Variants in RCSD1 observed in about 807,000 individuals in gnomAD.
RCSD1 encodes capZ-interacting protein.
RCSD1 carries 26 observed loss-of-function variants against 42.5 expected under a neutral mutation model. That is an observed-to-expected ratio of 0.61 (90% CI 0.45 to 0.85). The LOEUF is 0.85. RCSD1 is among the 40% of genes least tolerant of loss of function. The pLI, the probability that RCSD1 is intolerant of heterozygous loss-of-function variation, is 0.00. For synonymous variants in RCSD1, 220 were observed against 212.2 expected (o/e 1.04, Z -0.32); for missense variants, 571 against 528.3 (o/e 1.08, Z -0.79).
At chr1:167,684,066 G>A (rs1397667867) in intron 2 of RCSD1, 65 bp downstream of exon 2, 10 of 1,346,408 alleles carry the variant, frequency 7.4e-6, no homozygotes, top group Non-Finnish European at 9.5e-6. Context: ...AATCTGGTCA[G>A]GCCCAGCGGA....
intron 1 of RCSD1, among the ~76,000 whole-genome samples, chr1:167,660,174 C>T (rs1658508840): frequency 6.6e-6 from 1 of 152,166 alleles, no homozygotes. Context: ...TTGTTTGACG[C>T]CTATGATGTT....
Position 167,704,800 on chromosome 1 carries a change from A to G in RCSD1, c.*104A>G. 5 of 1,145,268 alleles carry G rather than the reference A, an allele frequency of 4.4e-6. No homozygotes were observed. The highest frequency in any genetic ancestry group is 2.4e-5 in the East Asian group (1 of 41,192). 70.9% of individuals were successfully genotyped at this position (1,145,268 alleles called of 1,614,324 possible). ...CAGACGAAGCCATTGCAGAGGCAGA[A>G]TATGCTGAGTGTCTGGAGTCAGCCT... On this transcript the variant is annotated 3_prime_UTR_variant, in exon 7 of 7. Transcript: ENST00000367854.
At chr1:167,696,258 T>G (rs373583358) in intron 5 of RCSD1, among the ~76,000 whole-genome samples, 15 of 151,994 alleles carry the variant, frequency 9.9e-5, no homozygotes, top group African/African-American at 3.6e-4. Flanking sequence ...TTTCAAAATT[T>G]TACAGTGCAA....
At chr1:167,661,029 TGA>T (rs1288994257) in intron 1 of RCSD1, among the ~76,000 whole-genome samples, 1 of 152,214 alleles carries the variant, frequency 6.6e-6, no homozygotes, top group Admixed American at 6.5e-5. Flanking sequence ...TGCTTGATCT[TGA>T]CTATCAAGCA....
At chr1:167,701,298 TTC>T (rs1659635381) in intron 6 of RCSD1, among the ~76,000 whole-genome samples, 1 of 149,262 alleles carries the variant, frequency 6.7e-6, no homozygotes, top group African/African-American at 2.5e-5. Context: ...CTTTCTTTCT[TTC>T]TTTCTTTCTT....
chr1:167,673,161 T>C (rs755643091), intron 1 of RCSD1, among the ~76,000 whole-genome samples: 22 of 152,088 alleles, frequency 1.4e-4, no homozygotes, highest in Non-Finnish European at 2.8e-4. Flanking sequence ...AAGATAGCAA[T>C]AAGCATAATT....
Position 167,630,275 on chromosome 1 carries a change from G to A in RCSD1, c.-149G>A. ...GCGGCCGGGGCAGTCCCGCAGCCGA[G>A]CGCAGCCGGGCGCGCGCCACCGCCC... On this transcript the variant is annotated 5_prime_UTR_variant, in exon 1 of 7. Transcript: ENST00000367854. 1.5e-6 allele frequency: 1 copy of A among 656,184 alleles called. No homozygotes were observed. Among genetic ancestry groups the A allele is most frequent in the Non-Finnish European group, 2.0e-6 (1 of 508,902 alleles). The allele number at this position is 656,184 out of a possible 1,614,324, so 40.6% of individuals were successfully genotyped here. A position where few individuals can be genotyped will look rare whatever the true frequency, so the allele number is the denominator to read the frequency against.
intron 1 of RCSD1, among the ~76,000 whole-genome samples, chr1:167,638,821 G>A (rs1009337977): frequency 6.6e-6 from 1 of 152,214 alleles, no homozygotes; most frequent in Admixed American, 6.5e-5. Flanking sequence ...AAGAACCATA[G>A]CAATTTCTTC....
chr1:167,689,999 C>G, intron 3 of RCSD1, 50 bp from the exon 4 acceptor site: 1 of 1,585,156 alleles, frequency 6.3e-7, no homozygotes, highest in Non-Finnish European at 8.7e-7. Flanking sequence ...ACCAGAACCC[C>G]ACTTTCCTCA....
At chr1:167,639,000 G>A (rs910525117) in intron 1 of RCSD1, among the ~76,000 whole-genome samples, 4 of 152,128 alleles carry the variant, frequency 2.6e-5, no homozygotes, top group Non-Finnish European at 4.4e-5. Flanking sequence ...GGCGGATCAC[G>A]AGGTCAGGAG....
In RCSD1 at chr1:167,674,044, G is replaced by C. The variant is rs74120624; in HGVS notation, c.7-9856G>C. Reference sequence around the variant, plus strand: ...TTATTACAAGTCTGCCTTTCAACTAGAGTAGAAGCTCATTGAGCTCTAGGA... The same window carrying C: ...TTATTACAAGTCTGCCTTTCAACTACAGTAGAAGCTCATTGAGCTCTAGGA... On this transcript the variant is annotated intron_variant, in intron 1 of 6. Transcript: ENST00000367854. Among the ~76,000 whole-genome samples the C allele has an allele frequency of 5.5e-3, 839 of 152,302 alleles. 10 individuals carry two copies. The highest frequency in any genetic ancestry group is 0.019 in the African/African-American group (788 of 41,534).
At position 167,661,688 on chromosome 1, in the gene RCSD1, C is replaced by T. The variant is rs115594041; in HGVS notation, c.7-22212C>T. On this transcript the variant is annotated intron_variant, in intron 1 of 6. Coordinates refer to ENST00000367854, the MANE Select transcript of RCSD1 (RefSeq NM_052862.4). ...GTACTGCCTGGGCTGTCCACAGTTC[C>T]GCTGTCGATTAATATATATAAAATC... 4.2e-3 allele frequency among the ~76,000 whole-genome samples: 634 copies of T among 152,284 alleles called. 4 individuals are homozygous for T. Among genetic ancestry groups the T allele is most frequent in the African/African-American group, 0.014 (590 of 41,554 alleles).
chr1:167,642,824 C>T (rs1271808797), intron 1 of RCSD1, among the ~76,000 whole-genome samples: 1 of 152,196 alleles, frequency 6.6e-6, no homozygotes, highest in Non-Finnish European at 1.5e-5. Context: ...TGTACATAAG[C>T]CCTACCTTTT....
intron 1 of RCSD1, among the ~76,000 whole-genome samples, chr1:167,639,873 G>T (rs143455520): frequency 6.6e-6 from 1 of 152,326 alleles, no homozygotes; most frequent in Non-Finnish European, 1.5e-5. Context: ...GCAGCGCCAC[G>T]CCTTGTTCTA....
chr1:167,636,407 CA>C (rs1657851469), intron 1 of RCSD1, among the ~76,000 whole-genome samples: 1 of 152,162 alleles, frequency 6.6e-6, no homozygotes. Flanking sequence ...TATCTCCAGC[CA>C]AAAATTTGAG....
chr1:167,660,704 C>T (rs764910031), intron 1 of RCSD1, among the ~76,000 whole-genome samples: 11 of 152,146 alleles, frequency 7.2e-5, no homozygotes, highest in Non-Finnish European at 1.0e-4. Context: ...GAAGTCCTGG[C>T]TTCAAGCAAT....
intron 4 of RCSD1, among the ~76,000 whole-genome samples, chr1:167,692,520 TTTA>T (rs386636509): frequency 2.0e-5 from 3 of 151,162 alleles, no homozygotes; most frequent in African/African-American, 7.4e-5. Context: ...CGCTTTTTTT[TTTA>T]TTTTTATTTT....
chr1:167,701,970 T>G (rs1342211062), intron 6 of RCSD1, among the ~76,000 whole-genome samples: 3 of 152,214 alleles, frequency 2.0e-5, no homozygotes, highest in African/African-American at 7.2e-5. Flanking sequence ...CTAAGCAGTT[T>G]TCTAACCCCC....
chr1:167,650,731 CCAATGGCTCTGCTCGTGTGAGGTTAG>C (rs1658279362), intron 1 of RCSD1, among the ~76,000 whole-genome samples: 1 of 152,114 alleles, frequency 6.6e-6, no homozygotes, highest in Admixed American at 6.5e-5. Context: ...GGGAGTGGAG[CCAATGGCTCTGCTCGTGTGAGGTTAG>C]CAATGGAGTA....
Sources: gnomAD v4.1 joint callset for allele counts (sites outside exome capture counted in the v4.1 genomes callset) on GRCh38, gnomAD v4.1.1 for gene constraint, MANE v1.5 for transcripts, NCBI Gene and HGNC (gene_info 2026-07-23, HGNC 2026-07-21) for gene names.